Variants in ZDHHC23 observed in about 807,000 individuals in gnomAD.
ZDHHC23 encodes the protein zDHHC palmitoyltransferase 23, also known as palmitoyltransferase ZDHHC23.
Under a neutral mutation model 40.2 loss-of-function variants are expected in ZDHHC23, and 41 were observed. The observed-to-expected ratio is 1.02, with a 90% CI of 0.79 to 1.32. The LOEUF (loss-of-function observed/expected upper bound fraction) is 1.32, where lower values mean the gene tolerates loss of function less well. Ranked by LOEUF, ZDHHC23 falls within the 40% of genes most tolerant of loss-of-function variation. ZDHHC23 has a pLI of 0.00. For missense variants in ZDHHC23, 471 were observed against 541.5 expected (o/e 0.87, Z 1.29); for synonymous variants, 204 against 210.2 (o/e 0.97, Z 0.26).
At chr3:113,977,263 C>T in the ZDHHC23 span, among the ~76,000 whole-genome samples, 4 of 151,992 alleles carry the variant, frequency 2.6e-5, no homozygotes, top group Admixed American at 6.6e-5. Flanking sequence ...CACTTCAGCC[C>T]GGGCAACAGA....
chr3:113,973,596 G>GTTTTTT, the ZDHHC23 span, among the ~76,000 whole-genome samples: 2 of 145,566 alleles, frequency 1.4e-5, no homozygotes, highest in Non-Finnish European at 1.5e-5. Flanking sequence ...TGGATGGCAG[G>GTTTTTT]TTTTTTTTTT....
chr3:113,958,490 C>T lies in ZDHHC23; in HGVS notation c.1168C>T (p.Arg390Ter), dbSNP rs1459893744. 18 of 1,613,936 alleles carry T rather than the reference C, an allele frequency of 1.1e-5. No individual in the cohort carries two copies. Among genetic ancestry groups the T allele is most frequent in the Admixed American group, 1.7e-5 (1 of 59,994 alleles). Residue 390 changes from arginine to a stop codon, truncating the protein, a stop_gained, in exon 5 of 5, where the codon CGA (arginine) becomes TGA (stop). Transcript: ENST00000638807. LOFTEE classifies it high-confidence loss of function. ...TGAGCGGGAAGTCCAGCAGGCCCTC[C>T]GACAGAAGACTGGGCGCCGGCTCCT... ...VTEREVQQAL[R>*]QKTGRRLLCG...
chr3:113,970,857 G>A, the ZDHHC23 span, among the ~76,000 whole-genome samples: 3 of 152,158 alleles, frequency 2.0e-5, no homozygotes, highest in Admixed American at 6.5e-5. Flanking sequence ...TGAGAATGAC[G>A]GTTTCCAGCT....
At chr3:113,978,343 G>A in the ZDHHC23 span, 1 of 1,612,668 alleles carries the variant, frequency 6.2e-7, no homozygotes, top group Non-Finnish European at 8.5e-7. Flanking sequence ...TGGGGATGAA[G>A]ACAGAAATAA....
chr3:113,961,489 C>T lies in ZDHHC23; in HGVS notation c.*2859C>T, dbSNP rs775290262. On this transcript the variant is annotated 3_prime_UTR_variant, in exon 5 of 5. Coordinates refer to ENST00000638807, the MANE Select transcript of ZDHHC23 (RefSeq NM_001320466.2). ...ACTTTTATGGTTCCAGCCGAGCGTT[C>T]CTGAAATGAACTGACCATTAACAGC... The T allele has an allele frequency of 5.2e-5, 8 of 152,616 alleles. No homozygotes were observed. Among genetic ancestry groups the T allele is most frequent in the Non-Finnish European group, 8.8e-5 (6 of 68,040 alleles). 9.5% of individuals were successfully genotyped at this position (152,616 alleles called of 1,614,324 possible).
intron 1 of ZDHHC23, 62 bp from the exon 2 acceptor site, chr3:113,948,624 C>T (rs1938353093): frequency 1.1e-5 from 7 of 656,126 alleles, no homozygotes; most frequent in Middle Eastern, 4.3e-4. Context: ...CAGGCGGAGC[C>T]ACAGAAGCCT....
chr3:113,967,288 C>T (rs184089764), downstream of ZDHHC23, among the ~76,000 whole-genome samples: 300 of 152,242 alleles, frequency 2.0e-3, no homozygotes, highest in African/African-American at 6.8e-3. Context: ...TGTTCTCTGA[C>T]GTCTGCATTT....
chr3:113,972,301 A>C, the ZDHHC23 span, among the ~76,000 whole-genome samples: 2 of 152,054 alleles, frequency 1.3e-5, no homozygotes, highest in African/African-American at 4.8e-5. Flanking sequence ...GTTTCAAGAA[A>C]TTTTTAAATT....
chr3:113,955,523 GAC>G (rs1466973444), intron 3 of ZDHHC23, among the ~76,000 whole-genome samples: 1 of 152,134 alleles, frequency 6.6e-6, no homozygotes, highest in East Asian at 1.9e-4. Context: ...AAATGGCCAT[GAC>G]ACAGAACTGT....
downstream of ZDHHC23, among the ~76,000 whole-genome samples, chr3:113,966,718 C>T (rs1940211862): frequency 6.6e-6 from 1 of 152,052 alleles, no homozygotes; most frequent in Non-Finnish European, 1.5e-5. Flanking sequence ...GAGGGAGTCC[C>T]AGAATGCACA....
At chr3:113,974,812 T>C in the ZDHHC23 span, among the ~76,000 whole-genome samples, 121 of 152,310 alleles carry the variant, frequency 7.9e-4, 2 homozygotes, top group East Asian at 0.015. Flanking sequence ...CACTAGATGG[T>C]GCTTTAATCC....
downstream of ZDHHC23, chr3:113,965,154 C>CATGA (rs1439927822): frequency 6.3e-7 from 1 of 1,589,268 alleles, no homozygotes; most frequent in Non-Finnish European, 8.6e-7. Flanking sequence ...ACTAATCTGG[C>CATGA]TCATTCGTTC....
rs1285865453 is a variant in ZDHHC23, at chr3:113,963,202, C to T, written c.*4572C>T. 2 of 152,108 alleles carry T rather than the reference C, an allele frequency of 1.3e-5. No homozygotes were observed. Among genetic ancestry groups the T allele is most frequent in the African/African-American group, 4.8e-5 (2 of 41,414 alleles). The allele number at this position is 152,108 out of a possible 1,614,324, so 9.4% of individuals were successfully genotyped here. On this transcript the variant is annotated 3_prime_UTR_variant, in exon 5 of 5. Coordinates refer to ENST00000638807, the MANE Select transcript of ZDHHC23 (RefSeq NM_001320466.2). ...ACAGTAACATTTTGAAACATACTTT[C>T]ATGATAGTCCAGCAAAAAACAGCAT...
the ZDHHC23 span, chr3:113,979,129 G>A: frequency 1.1e-6 from 1 of 876,924 alleles, no homozygotes; most frequent in South Asian, 1.6e-5. Flanking sequence ...AGAATAATCT[G>A]AAGGTACATG....
chr3:113,949,651 A>G (rs1449680400), intron 2 of ZDHHC23, among the ~76,000 whole-genome samples: 3 of 152,250 alleles, frequency 2.0e-5, no homozygotes, highest in African/African-American at 2.4e-5. Context: ...GAGTAATTAT[A>G]TATTTAAAAA....
At position 113,953,970 on chromosome 3, in the gene ZDHHC23, T is replaced by C. The variant is rs1356157838; in HGVS notation, c.432T>C (p.Leu144=). 1.2e-6 allele frequency: 2 copies of C among 1,614,164 alleles called. No individual in the cohort carries two copies. Among genetic ancestry groups the C allele is most frequent in the East Asian group, 2.2e-5 (1 of 44,886 alleles). The change falls in exon 3 of 5, where the codon CTT becomes CTC. Residue 144 remains leucine (L), a synonymous_variant. Transcript: ENST00000638807. ...AACAGACCCTGTTTTTCCTGAGCCTTGGACTGTTCTCTCTGGGCTACATGT... is the reference window on the plus strand; with the variant it reads ...AACAGACCCTGTTTTTCCTGAGCCTCGGACTGTTCTCTCTGGGCTACATGT... ...RKEQTLFFLS[L]GLFSLGYMYY... is the part of the protein sequence containing the mutation.
downstream of ZDHHC23, chr3:113,965,243 G>A (rs140308365): frequency 1.2e-6 from 2 of 1,611,562 alleles, no homozygotes; most frequent in African/African-American, 1.3e-5. Flanking sequence ...CTGGAAGTCT[G>A]GAAGAATTTC....
At chr3:113,978,900 A>G in the ZDHHC23 span, 1 of 1,613,952 alleles carries the variant, frequency 6.2e-7, no homozygotes, top group Non-Finnish European at 8.5e-7. Context: ...GTATTTGGGA[A>G]TAAAATTGAT....
chr3:113,974,470 C>T, the ZDHHC23 span, among the ~76,000 whole-genome samples: 1 of 152,066 alleles, frequency 6.6e-6, no homozygotes, highest in Non-Finnish European at 1.5e-5. Flanking sequence ...CAGATGCACA[C>T]CACCATGCCT....
Sources: gnomAD v4.1 joint callset for allele counts (sites outside exome capture counted in the v4.1 genomes callset) on GRCh38, gnomAD v4.1.1 for gene constraint, MANE v1.5 for transcripts, NCBI Gene and HGNC (gene_info 2026-07-23, HGNC 2026-07-21) for gene names.